The following GALNT16 variants were observed in gnomAD, a reference collection of about 807,000 sequenced individuals.
The protein encoded by GALNT16 is polypeptide N-acetylgalactosaminyltransferase 16.
In GALNT16, 40 loss-of-function variants were observed where a neutral mutation model predicts 76.1. The observed-to-expected ratio is 0.53, with a 90% CI of 0.41 to 0.68. GALNT16 has a LOEUF of 0.68. GALNT16 is among the 30% of genes least tolerant of loss of function. GALNT16 has a pLI of 0.00. For synonymous variants in GALNT16, 276 were observed against 285.2 expected, an observed-to-expected ratio of 0.97 and a Z score of 0.32; for missense variants, 621 against 731.9, an observed-to-expected ratio of 0.85 and a Z score of 1.75.
chr14:69,308,764 A>T (rs1258935608), intron 1 of GALNT16, among the ~76,000 whole-genome samples: 1 of 152,224 alleles, frequency 6.6e-6, no homozygotes, highest in Non-Finnish European at 1.5e-5. Context: ...TCAGGAAATC[A>T]AGTGTATTTT....
At chr14:69,318,752 A>C (rs996122874) in intron 1 of GALNT16, among the ~76,000 whole-genome samples, 6 of 152,198 alleles carry the variant, frequency 3.9e-5, no homozygotes, top group Non-Finnish European at 8.8e-5. Context: ...TCAGCAAATC[A>C]TCCCTCTGCA....
At chr14:69,273,096 A>G (rs570234868) in intron 1 of GALNT16, among the ~76,000 whole-genome samples, 1 of 152,372 alleles carries the variant, frequency 6.6e-6, no homozygotes, top group East Asian at 1.9e-4. Flanking sequence ...TTCCTAATTC[A>G]CCATTATCCG....
At chr14:69,317,149 C>T (rs1032638769) in intron 1 of GALNT16, among the ~76,000 whole-genome samples, 9 of 152,224 alleles carry the variant, frequency 5.9e-5, no homozygotes, top group African/African-American at 2.2e-4. Context: ...GATCTCCAGT[C>T]TCTTGAGCTG....
At chr14:69,342,400 A>C (rs1452158526) in intron 12 of GALNT16, among the ~76,000 whole-genome samples, 1 of 140,664 alleles carries the variant, frequency 7.1e-6, no homozygotes, top group African/African-American at 2.6e-5. Flanking sequence ...ACTCCAGCCT[A>C]AGTGTTAGGG....
rs1048819281 is a variant in GALNT16, at chr14:69,260,460, C to T, written c.170C>T (p.Pro57Leu). ...CAGCTCCGCGAGGACCGCACCATCC[C>T]GCTCATTGTGAGTACGCCCCGAGCG... ...SEQLREDRTI[P>L]LIVTGTPSKG... is the part of the protein sequence containing the mutation. The change falls in exon 1 of 15, where the codon CCG becomes CTG. Residue 57 changes from proline to leucine, a missense_variant. Physicochemically the swap from Pro to Leu is moderately conservative, Grantham distance 98. Transcript: ENST00000448469. 2 of 1,505,836 alleles carry T rather than the reference C, an allele frequency of 1.3e-6. No homozygotes were observed. The highest frequency in any genetic ancestry group is 8.9e-7 in the Non-Finnish European group (1 of 1,128,094). 93.3% of individuals were successfully genotyped at this position (1,505,836 alleles called of 1,614,324 possible).
chr14:69,303,602 CA>C (rs2044885608), intron 1 of GALNT16, among the ~76,000 whole-genome samples: 2 of 152,086 alleles, frequency 1.3e-5, no homozygotes, highest in African/African-American at 4.8e-5. Context: ...TAAAAAATAA[CA>C]ATTACATAAA....
chr14:69,271,253 A>AC (rs1217752293), intron 1 of GALNT16, among the ~76,000 whole-genome samples: 1 of 152,162 alleles, frequency 6.6e-6, no homozygotes, highest in Non-Finnish European at 1.5e-5. Context: ...TCCCTGAACC[A>AC]CACCGGGGCC....
intron 1 of GALNT16, among the ~76,000 whole-genome samples, chr14:69,312,234 G>C (rs2045036982): frequency 6.6e-6 from 1 of 152,072 alleles, no homozygotes; most frequent in African/African-American, 2.4e-5. Context: ...CTGGGCAACA[G>C]AGCAAGACCC....
At chr14:69,366,072 T>G in the GALNT16 span, among the ~76,000 whole-genome samples, 370 of 152,290 alleles carry the variant, frequency 2.4e-3, 3 homozygotes, top group African/African-American at 8.7e-3. Context: ...AGATGGGGCA[T>G]CAGTTGGCAT....
chr14:69,332,610 C>T (rs1329000229), intron 7 of GALNT16: 1 of 162,600 alleles, frequency 6.2e-6, no homozygotes, highest in African/African-American at 2.4e-5. Context: ...GATTGTGAGT[C>T]TGAGTGGGAT....
At chr14:69,294,147 C>T (rs2044723493) in intron 1 of GALNT16, among the ~76,000 whole-genome samples, 1 of 151,718 alleles carries the variant, frequency 6.6e-6, no homozygotes, top group South Asian at 2.1e-4. Flanking sequence ...CTTGGCCTCC[C>T]ATCTCGCTCT....
chr14:69,291,812 A>G (rs1246862873), intron 1 of GALNT16, among the ~76,000 whole-genome samples: 2 of 152,226 alleles, frequency 1.3e-5, no homozygotes, highest in African/African-American at 2.4e-5. Flanking sequence ...TCACAGGCTT[A>G]TAAGAGCCGA....
intron 2 of GALNT16, among the ~76,000 whole-genome samples, chr14:69,321,917 G>A (rs1051854110): frequency 3.9e-5 from 6 of 152,250 alleles, no homozygotes; most frequent in Non-Finnish European, 7.3e-5. Flanking sequence ...TGGCTTGAGG[G>A]TAGCAACAAT....
At chr14:69,326,598 T>A (rs886717869) in intron 5 of GALNT16, among the ~76,000 whole-genome samples, 1 of 151,966 alleles carries the variant, frequency 6.6e-6, no homozygotes, top group Admixed American at 6.5e-5. Flanking sequence ...CATGGAGGAA[T>A]GGGCCTCAAT....
At chr14:69,385,557 A>C in the GALNT16 span, among the ~76,000 whole-genome samples, 1 of 150,958 alleles carries the variant, frequency 6.6e-6, no homozygotes, top group Non-Finnish European at 1.5e-5. Context: ...CAAACTTACC[A>C]TTACTTTTCC....
chr14:69,302,951 C>T (rs2044874723), intron 1 of GALNT16, among the ~76,000 whole-genome samples: 2 of 152,120 alleles, frequency 1.3e-5, no homozygotes, highest in African/African-American at 4.8e-5. Flanking sequence ...TACATGGCAA[C>T]CTTGTGATAA....
intron 1 of GALNT16, among the ~76,000 whole-genome samples, chr14:69,296,065 C>G (rs1594829462): frequency 2.0e-5 from 3 of 152,282 alleles, no homozygotes; most frequent in Admixed American, 2.0e-4. Context: ...GCAGGCTGTA[C>G]AGGAAGCATA....
downstream of GALNT16, chr14:69,356,083 C>T (rs2045690660): frequency 6.6e-6 from 1 of 152,244 alleles, no homozygotes; most frequent in Non-Finnish European, 1.5e-5. Context: ...CTGTGATGGT[C>T]TGAGTCAGTG....
intron 2 of GALNT16, among the ~76,000 whole-genome samples, chr14:69,323,962 C>T (rs1050713370): frequency 6.6e-6 from 1 of 152,178 alleles, no homozygotes; most frequent in African/African-American, 2.4e-5. Context: ...TACGCAGAAA[C>T]AACAGGGATG....
Sources: allele counts gnomAD v4.1 joint callset (sites outside exome capture counted in the v4.1 genomes callset), GRCh38; gene constraint gnomAD v4.1.1; transcripts MANE v1.5; gene names NCBI Gene and HGNC (gene_info 2026-07-23, HGNC 2026-07-21).